TTF2: variants seen among roughly 807,000 people sequenced by gnomAD.
TTF2 encodes the protein transcription termination factor 2.
In TTF2, 108 loss-of-function variants were observed where a neutral mutation model predicts 142.4. The ratio of observed to expected loss-of-function variants is 0.76; its 90% CI spans 0.65 to 0.89. The LOEUF (loss-of-function observed/expected upper bound fraction) is 0.89, where lower values mean the gene tolerates loss of function less well. Ranked by LOEUF, TTF2 falls within the 40% of genes least tolerant of loss-of-function variation. TTF2 has a pLI of 0.00. For missense variants in TTF2, 1,327 were observed against 1,379.8 expected (o/e 0.96, Z 0.61); for synonymous variants, 483 against 506.2 (o/e 0.95, Z 0.61).
Position 117,106,480 on chromosome 1 carries a change from T to G in TTF2, c.*4956T>G, listed in dbSNP as rs570619946. 2 of 152,208 alleles carry G rather than the reference T, an allele frequency of 1.3e-5. No individual in the cohort carries two copies. The highest frequency in any genetic ancestry group is 4.1e-4 in the South Asian group (2 of 4,828). The allele number at this position is 152,208 out of a possible 1,614,324, so 9.4% of individuals were successfully genotyped here. A position where few individuals can be genotyped will look rare whatever the true frequency, so the allele number is the denominator to read the frequency against. ...CCACACAGTAATTCAGAAATGTATA[T>G]TGAACACTTTTTATATGCCAGGCAC... is the stretch of plus-strand genomic sequence containing the variant. On this transcript the variant is annotated 3_prime_UTR_variant, in exon 23 of 23. Coordinates refer to ENST00000369466, the MANE Select transcript of TTF2 (RefSeq NM_003594.4).
chr1:117,060,574 G>C lies in TTF2; in HGVS notation c.131+17G>C. On this transcript the variant is annotated intron_variant, in intron 2 of 22. Transcript: ENST00000369466. The stretch of plus-strand genomic sequence containing the variant: ...GGCCACCGAGTAGGTCTGGAGCTGG[G>C]CCCCACTCCCTGTGGCTGCCCGGGG... The C allele has an allele frequency of 6.3e-7, 1 of 1,586,050 alleles. No individual in the cohort carries two copies. Among genetic ancestry groups the C allele is most frequent in the Non-Finnish European group, 8.6e-7 (1 of 1,165,620 alleles).
chr1:117,088,956 C>A lies in TTF2; in HGVS notation c.2316C>A (p.Asn772Lys). Residue 772 changes from asparagine to lysine, a missense_variant, in exon 13 of 23, where the codon AAC becomes AAA. By Grantham distance (94) the Asn-to-Lys change is moderately conservative. Coordinates refer to ENST00000369466, the MANE Select transcript of TTF2 (RefSeq NM_003594.4). ...TCACTGGAACCCCCATTCAAAACAA[C>A]TTATTGGATATGTATTCGCTGCTGA... ...WAVTGTPIQN[N>K]LLDMYSLLKF... 2 of 1,612,908 alleles carry A rather than the reference C, an allele frequency of 1.2e-6. No individual in the cohort carries two copies. Among genetic ancestry groups the A allele is most frequent in the East Asian group, 2.2e-5 (1 of 44,820 alleles).
rs1230191501 is a variant in TTF2, at chr1:117,076,660, C to T, written c.1410C>T (p.Asn470=). The T allele has an allele frequency of 1.9e-6, 3 of 1,611,848 alleles. No individual in the cohort carries two copies. The highest frequency in any genetic ancestry group is 2.5e-6 in the Non-Finnish European group (3 of 1,178,906). The stretch of plus-strand genomic sequence containing the variant: ...GAGCAGGAACTAATGAGAAGAGTAA[C>T]AGTCAAGTACCACAGCAGAGTCACT... The part of the protein sequence containing the change: ...SPEQGTNEKS[N]SQVPQQSHFT... The change falls in exon 7 of 23, where the codon AAC becomes AAT. Residue 470 remains asparagine, a synonymous_variant. Transcript: ENST00000369466. The surrounding 1 kb of genome is among the most constrained non-coding windows in gnomAD (Gnocchi z 4.6).
rs770616631 is a variant in TTF2 at position 117,090,509 on chromosome 1, A to G, written c.2497-23A>G. On this transcript the variant is annotated intron_variant, in intron 14 of 22. Transcript: ENST00000369466. The surrounding 1 kb of genome is among the most constrained non-coding windows in gnomAD (Gnocchi z 4.8). ...CAGTTAATTTGTATAGCTTCATGCC[A>G]GCTTTTTTTTTTATTCTTCCAGGTG... 11 of 1,591,808 alleles carry G rather than the reference A, an allele frequency of 6.9e-6. No homozygotes were observed. Among genetic ancestry groups the G allele is most frequent in the Admixed American group, 1.7e-5 (1 of 58,252 alleles).
chr1:117,098,692 T>A lies in TTF2; in HGVS notation c.3270-141T>A, dbSNP rs942641932. On this transcript the variant is annotated intron_variant, in intron 21 of 22. Transcript: ENST00000369466. ...GTGTGTTTTGTTTTGCTTTGCTTTC[T>A]TTTCTTAAATCCCTTTAAAACTGTA... is the stretch of plus-strand genomic sequence containing the variant. 8 of 693,128 alleles carry A rather than the reference T, an allele frequency of 1.2e-5. No individual in the cohort carries two copies. The African/African-American group carries it at 1.3e-4, about 11-fold the overall frequency. The allele number at this position is 693,128 out of a possible 1,614,324, so 42.9% of individuals were successfully genotyped here. A position where few individuals can be genotyped will look rare whatever the true frequency, so the allele number is the denominator to read the frequency against.
At position 117,075,062 on chromosome 1, in the gene TTF2, G is replaced by A. The variant is rs192551233; in HGVS notation, c.478G>A (p.Asp160Asn). The change falls in exon 5 of 23, where the codon GAT (aspartate) becomes AAT (asparagine). Residue 160 changes from aspartate to asparagine, a missense_variant. By Grantham distance (23) the Asp-to-Asn change is conservative (BLOSUM62 1). Coordinates refer to ENST00000369466, the MANE Select transcript of TTF2 (RefSeq NM_003594.4). The surrounding 1 kb of genome is among the most constrained non-coding windows in gnomAD (Gnocchi z 4.5). ...KADKKQREKG[D>N]QLFDQKKEQK... ...TGATAAGAAGCAAAGAGAAAAGGGA[G>A]ATCAGCTTTTCGATCAAAAGAAAGA... The A allele has an allele frequency of 3.3e-5, 54 of 1,614,002 alleles. No homozygotes were observed. The East Asian group carries it at 1.2e-3, about 36-fold the overall frequency.
At chr1:117,065,497 C>G (rs1162578301) in intron 3 of TTF2, among the ~76,000 whole-genome samples, 1 of 152,088 alleles carries the variant, frequency 6.6e-6, no homozygotes, top group African/African-American at 2.4e-5. Context: ...ACTCAGGAGG[C>G]TGAGGCAGGA....
chr1:117,069,203 G>C (rs1656391122), intron 3 of TTF2, among the ~76,000 whole-genome samples: 1 of 152,176 alleles, frequency 6.6e-6, no homozygotes, highest in African/African-American at 2.4e-5. Flanking sequence ...ACCATGTAAA[G>C]ATGTGAACTC....
Position 117,079,688 on chromosome 1 carries a change from C to A in TTF2, c.1783+39C>A. On this transcript the variant is annotated intron_variant, in intron 9 of 22. Transcript: ENST00000369466. The surrounding 1 kb of genome is among the most constrained non-coding windows in gnomAD (Gnocchi z 4.2). The stretch of plus-strand genomic sequence containing the variant: ...TATAAGAGTCAGCCTTTATTGAATG[C>A]TTAGGCATTGTGCTAAACACGTAGT... 6.3e-7 allele frequency: 1 copy of A among 1,582,530 alleles called. No individual in the cohort carries two copies. Among genetic ancestry groups the A allele is most frequent in the Non-Finnish European group, 8.7e-7 (1 of 1,151,018 alleles).
intron 19 of TTF2, among the ~76,000 whole-genome samples, chr1:117,095,596 G>A (rs537516885): frequency 9.2e-5 from 14 of 152,312 alleles, no homozygotes; most frequent in African/African-American, 3.4e-4. Context: ...TAAAAGTAGA[G>A]AAGCATATAA....
chr1:117,095,237 G>T (rs188804430), intron 18 of TTF2, 72 bp from the exon 19 acceptor site: 198 of 1,459,216 alleles, frequency 1.4e-4, no homozygotes, highest in Non-Finnish European at 1.8e-4. Context: ...AGGCTGCTTC[G>T]CATGGCAGGT....
intron 8 of TTF2, among the ~76,000 whole-genome samples, chr1:117,078,997 T>G (rs986333069): frequency 6.6e-6 from 1 of 152,172 alleles, no homozygotes; most frequent in African/African-American, 2.4e-5. Context: ...CCCAGCACTT[T>G]CGGAGGCCGA....
intron 4 of TTF2, 88 bp from the exon 5 acceptor site, chr1:117,074,782 A>G: frequency 2.4e-6 from 3 of 1,271,108 alleles, no homozygotes; most frequent in Non-Finnish European, 3.2e-6. Context: ...CCTGTATATA[A>G]AATAAAAGTT....
intron 3 of TTF2, among the ~76,000 whole-genome samples, chr1:117,062,821 C>A (rs1358759513): frequency 6.6e-6 from 1 of 152,144 alleles, no homozygotes; most frequent in Non-Finnish European, 1.5e-5. Context: ...AATGGCTAAA[C>A]ATATTTAGTC....
intron 12 of TTF2, 93 bp from the exon 13 acceptor site, chr1:117,088,708 G>A: frequency 7.2e-7 from 1 of 1,392,822 alleles, no homozygotes. Context: ...GTAAATGTGG[G>A]TCCTCCATGC....
At chr1:117,095,205 C>A in intron 18 of TTF2, 104 bp from the exon 19 acceptor site, 1 of 1,050,534 alleles carries the variant, frequency 9.5e-7, no homozygotes. Flanking sequence ...CAGGTGAGGC[C>A]AGAGCACAGA....
rs1308441607 is a variant in TTF2 at position 117,084,175 on chromosome 1, G to T, written c.2054+7G>T. On this transcript the variant is annotated splice_region_variant and intron_variant, in intron 11 of 22. Coordinates refer to ENST00000369466, the MANE Select transcript of TTF2 (RefSeq NM_003594.4). ...GGGATTCACGTGCCAGAGTGTAAGT[G>T]CAGGAATACGCAGTTGTGGGGGCGT... 8.1e-6 allele frequency: 13 copies of T among 1,614,132 alleles called. No homozygotes were observed. The highest frequency in any genetic ancestry group is 3.3e-5 in the Admixed American group (2 of 60,022).
chr1:117,084,085 A>T lies in TTF2; in HGVS notation c.1971A>T (p.Lys657Asn), dbSNP rs1400979565. 6.2e-7 allele frequency: 1 copy of T among 1,614,110 alleles called. No homozygotes were observed. The highest frequency in any genetic ancestry group is 8.5e-7 in the Non-Finnish European group (1 of 1,180,050). Residue 657 changes from lysine to asparagine, a missense_variant, in exon 11 of 23, where the codon AAA becomes AAT. Transcript: ENST00000369466. Reference sequence around the variant, plus strand: ...CTGCCTCCCTGATCCATCATTGGAAAAATGAGGTGGAGAAACGGGTGAACA... The same window carrying T: ...CTGCCTCCCTGATCCATCATTGGAATAATGAGGTGGAGAAACGGGTGAACA... The part of the protein sequence containing the change: ...ICPASLIHHW[K>N]NEVEKRVNSN...
At position 117,087,926 on chromosome 1, in the gene TTF2, G is replaced by T. The variant is rs189354682; in HGVS notation, c.2161-875G>T. ...TCAGCAGACGTTGAGTATCCACTAT[G>T]GGTCAGGTGCTGTTTCGTCAAGAGC... On this transcript the variant is annotated intron_variant, in intron 12 of 22. Coordinates refer to ENST00000369466, the MANE Select transcript of TTF2 (RefSeq NM_003594.4). The surrounding 1 kb of genome is among the most constrained non-coding windows in gnomAD (Gnocchi z 4.8). 3.9e-5 allele frequency among the ~76,000 whole-genome samples: 6 copies of T among 152,292 alleles called. No individual in the cohort carries two copies. In the East Asian group the frequency reaches 1.2e-3, roughly 29 times the overall value.
Sources: gnomAD v4.1 joint callset for allele counts (sites outside exome capture counted in the v4.1 genomes callset) on GRCh38, gnomAD v4.1.1 for gene constraint, Gnocchi (gnomAD v3.1) non-coding constraint, MANE v1.5 for transcripts, NCBI Gene and HGNC (gene_info 2026-07-23, HGNC 2026-07-21) for gene names.